GRID2: variants seen among roughly 807,000 people sequenced by gnomAD.
GRID2 encodes the protein glutamate ionotropic receptor delta type subunit 2.
GRID2 carries 33 observed loss-of-function variants against 114.8 expected under a neutral mutation model. That is an observed-to-expected ratio of 0.29 (90% CI 0.22 to 0.38). GRID2 has a LOEUF of 0.38. Ranked by LOEUF, GRID2 falls within the 10% of genes least tolerant of loss-of-function variation. The pLI is 1.00. For synonymous variants in GRID2, 505 were observed against 449.9 expected, an observed-to-expected ratio of 1.12 and a Z score of -1.55; for missense variants, 1,184 against 1,257.7, an observed-to-expected ratio of 0.94 and a Z score of 0.89.
At chr4:92,586,924 A>G (rs1728478288) in intron 1 of GRID2, among the ~76,000 whole-genome samples, 1 of 151,992 alleles carries the variant, frequency 6.6e-6, no homozygotes, top group Non-Finnish European at 1.5e-5. Flanking sequence ...GATTACATAA[A>G]GCCTTTATTT....
chr4:93,458,289 C>CA (rs1723394958), intron 11 of GRID2, among the ~76,000 whole-genome samples: 1 of 151,880 alleles, frequency 6.6e-6, no homozygotes, highest in Non-Finnish European at 1.5e-5. Flanking sequence ...ATTATTGAAG[C>CA]AAAAAAGGCT....
chr4:92,888,839 G>A (rs1045928815), intron 2 of GRID2, among the ~76,000 whole-genome samples: 12 of 149,914 alleles, frequency 8.0e-5, no homozygotes, highest in South Asian at 4.2e-4. Flanking sequence ...CAAATAAAGC[G>A]GACATTTTTT....
chr4:93,708,318 A>G (rs929110403), intron 14 of GRID2, among the ~76,000 whole-genome samples: 24 of 151,952 alleles, frequency 1.6e-4, no homozygotes, highest in African/African-American at 4.3e-4. Flanking sequence ...CTATTATTGT[A>G]TCAGGGGTTT....
intron 14 of GRID2, among the ~76,000 whole-genome samples, chr4:93,661,145 T>C (rs192203964): frequency 2.0e-5 from 3 of 152,212 alleles, no homozygotes; most frequent in Admixed American, 2.0e-4. Context: ...TTATTCACGA[T>C]TCTGCATCTG....
chr4:92,896,098 C>G (rs187821222), intron 2 of GRID2, among the ~76,000 whole-genome samples: 3 of 152,228 alleles, frequency 2.0e-5, no homozygotes, highest in Non-Finnish European at 4.4e-5. Flanking sequence ...GGTGCCATGC[C>G]TATGTAAGTA....
At chr4:92,919,636 T>C (rs1270254693) in intron 2 of GRID2, among the ~76,000 whole-genome samples, 2 of 152,200 alleles carry the variant, frequency 1.3e-5, no homozygotes, top group Non-Finnish European at 1.5e-5. Context: ...GAGCAGGTTG[T>C]TCAATTTCCA....
intron 2 of GRID2, among the ~76,000 whole-genome samples, chr4:92,816,515 G>A (rs1176962869): frequency 1.3e-5 from 2 of 152,020 alleles, no homozygotes; most frequent in South Asian, 2.1e-4. Context: ...CAAAATAAAT[G>A]TCAGAGTTTG....
chr4:92,703,617 T>TTATATATATATATATATATATATA (rs3971001), intron 2 of GRID2, among the ~76,000 whole-genome samples: 13 of 141,006 alleles, frequency 9.2e-5, no homozygotes, highest in African/African-American at 2.9e-4. Flanking sequence ...AGGAAAAACA[T>TTATATATATATATATATATATATA]TATATATATA....
intron 2 of GRID2, among the ~76,000 whole-genome samples, chr4:92,730,983 T>C (rs895719918): frequency 6.6e-6 from 1 of 151,940 alleles, no homozygotes; most frequent in African/African-American, 2.4e-5. Flanking sequence ...TTGGATGAGA[T>C]GTGGCATGCA....
chr4:92,872,826 G>A (rs533462530), intron 2 of GRID2, among the ~76,000 whole-genome samples: 1 of 152,334 alleles, frequency 6.6e-6, no homozygotes, highest in African/African-American at 2.4e-5. Flanking sequence ...GAAAGGCAAA[G>A]GTGCTCTGTG....
intron 2 of GRID2, among the ~76,000 whole-genome samples, chr4:92,763,177 A>G (rs1209902574): frequency 6.6e-6 from 1 of 152,176 alleles, no homozygotes; most frequent in Non-Finnish European, 1.5e-5. Flanking sequence ...TGAACTTAAT[A>G]AAGATCTTTT....
At chr4:92,824,693 TTTATG>T (rs1741563040) in intron 2 of GRID2, among the ~76,000 whole-genome samples, 1 of 152,134 alleles carries the variant, frequency 6.6e-6, no homozygotes, top group Non-Finnish European at 1.5e-5. Flanking sequence ...ACTCTTTTAG[TTTATG>T]TTAATTGCTG....
chr4:93,581,045 A>C (rs969248463), intron 13 of GRID2, among the ~76,000 whole-genome samples: 1 of 151,854 alleles, frequency 6.6e-6, no homozygotes, highest in South Asian at 2.1e-4. Flanking sequence ...TGCTGCACCC[A>C]TCAACCCATC....
At chr4:93,432,291 T>C (rs1170085392) in intron 10 of GRID2, among the ~76,000 whole-genome samples, 1 of 152,168 alleles carries the variant, frequency 6.6e-6, no homozygotes, top group Non-Finnish European at 1.5e-5. Context: ...AAAATGTTCA[T>C]ATCAAGGTTG....
At chr4:93,687,767 GC>G (rs1193024409) in intron 14 of GRID2, among the ~76,000 whole-genome samples, 1 of 151,944 alleles carries the variant, frequency 6.6e-6, no homozygotes, top group Non-Finnish European at 1.5e-5. Context: ...AGTACAGACA[GC>G]TTTTTCAAGT....
chr4:92,861,579 T>C (rs1007894743), intron 2 of GRID2, among the ~76,000 whole-genome samples: 2 of 152,096 alleles, frequency 1.3e-5, no homozygotes, highest in Non-Finnish European at 2.9e-5. Context: ...TGTCATTGCT[T>C]TTTTAAATTT....
intron 2 of GRID2, among the ~76,000 whole-genome samples, chr4:92,709,290 G>T (rs1735102851): frequency 6.6e-6 from 1 of 151,954 alleles, no homozygotes; most frequent in Non-Finnish European, 1.5e-5. Flanking sequence ...AAATAAGTAG[G>T]TTGAAAAAGT....
chr4:93,430,715 G>C (rs895545508), intron 10 of GRID2, among the ~76,000 whole-genome samples: 1 of 152,186 alleles, frequency 6.6e-6, no homozygotes, highest in African/African-American at 2.4e-5. Flanking sequence ...GGTTAAACTA[G>C]ACACTTATAA....
In GRID2 at chr4:93,615,263, C is replaced by G. The variant is rs1018092606; in HGVS notation, c.2194-11006C>G. On this transcript the variant is annotated intron_variant, in intron 13 of 15. Coordinates refer to ENST00000282020, the MANE Select transcript of GRID2 (RefSeq NM_001510.4). The stretch of plus-strand genomic sequence containing the variant: ...AGGCTTTTGTCAATCGTCTTTGCAT[C>G]TATAAATTCATCATATAAGCTAAAT... 7.9e-5 allele frequency among the ~76,000 whole-genome samples: 12 copies of G among 152,272 alleles called. No individual in the cohort carries two copies. The South Asian group carries it at 2.5e-3, about 32-fold the overall frequency.
Sources: gnomAD v4.1 joint callset for allele counts (sites outside exome capture counted in the v4.1 genomes callset) on GRCh38, gnomAD v4.1.1 for gene constraint, MANE v1.5 for transcripts, NCBI Gene and HGNC (gene_info 2026-07-23, HGNC 2026-07-21) for gene names.